COL24A1: variants seen among roughly 807,000 people sequenced by gnomAD.
COL24A1 encodes collagen type XXIV alpha 1 chain.
A neutral mutation model predicts 253.9 loss-of-function variants in COL24A1; 224 were observed. The ratio of observed to expected loss-of-function variants is 0.88; its 90% CI spans 0.79 to 0.99. The LOEUF (loss-of-function observed/expected upper bound fraction) is 0.99, where lower values mean the gene tolerates loss of function less well. Among genes scored for constraint, COL24A1 ranks in the 50% least tolerant of loss-of-function variants. The probability of loss-of-function intolerance (pLI) is 0.00; values close to 1 mark genes in which losing one functional copy is unlikely to be tolerated. For synonymous variants in COL24A1, 685 were observed against 673.7 expected (o/e 1.02, Z -0.26); for missense variants, 2,131 against 2,068.5 (o/e 1.03, Z -0.59).
At chr1:85,757,602 AG>A (rs1345589027) in intron 55 of COL24A1, among the ~76,000 whole-genome samples, 1 of 152,202 alleles carries the variant, frequency 6.6e-6, no homozygotes, top group African/African-American at 2.4e-5. Flanking sequence ...TAGAAAGAAA[AG>A]AAATTTCATA....
chr1:85,861,109 A>G (rs1409589636), intron 37 of COL24A1, among the ~76,000 whole-genome samples: 1 of 152,182 alleles, frequency 6.6e-6, no homozygotes, highest in Non-Finnish European at 1.5e-5. Context: ...CAGATTTTAT[A>G]TCTCATCAGC....
At chr1:85,829,419 A>C (rs1674871801) in intron 43 of COL24A1, among the ~76,000 whole-genome samples, 2 of 151,218 alleles carry the variant, frequency 1.3e-5, no homozygotes, top group Middle Eastern at 3.4e-3. Context: ...GCTCTTCTCG[A>C]GGAGTATCTT....
chr1:85,852,560 T>A (rs1677888777), intron 37 of COL24A1, among the ~76,000 whole-genome samples: 1 of 152,172 alleles, frequency 6.6e-6, no homozygotes, highest in South Asian at 2.1e-4. Flanking sequence ...TTCATTAATA[T>A]AGGAGAAGAT....
chr1:85,850,040 AG>A (rs1677585087), intron 37 of COL24A1, among the ~76,000 whole-genome samples: 1 of 152,188 alleles, frequency 6.6e-6, no homozygotes, highest in Admixed American at 6.5e-5. Flanking sequence ...AAATACAGAG[AG>A]AAAAAGGAGG....
At chr1:85,745,715 G>A (rs753190047) in intron 55 of COL24A1, among the ~76,000 whole-genome samples, 4 of 152,078 alleles carry the variant, frequency 2.6e-5, no homozygotes, top group Non-Finnish European at 4.4e-5. Flanking sequence ...AATCTCAAAC[G>A]TCTCCTAATT....
rs79091970 is a variant in COL24A1, at chr1:86,041,358, C to G, written c.1950+5467G>C. ...TTTCTAGGTGTTGTTGAAAGCAATT[C>G]CCATCTCCAATTTCATGTTTATTTT... On this transcript the variant is annotated intron_variant, in intron 12 of 59. Coordinates refer to ENST00000370571, the MANE Select transcript of COL24A1 (RefSeq NM_152890.7). Among the ~76,000 whole-genome samples, 375 of 152,204 alleles carry G rather than the reference C, an allele frequency of 2.5e-3. 10 individuals carry two copies. The East Asian group carries it at 0.046, about 19-fold the overall frequency.
intron 12 of COL24A1, among the ~76,000 whole-genome samples, chr1:86,038,873 A>G (rs12740502): frequency 0.23 from 35,160 of 152,044 alleles, 4,433 homozygotes; most frequent in Middle Eastern, 0.44. Context: ...TCAAGCCTTC[A>G]GATGACAGTA....
chr1:85,934,620 G>A (rs538702580), intron 24 of COL24A1, among the ~76,000 whole-genome samples: 35 of 152,128 alleles, frequency 2.3e-4, no homozygotes, highest in Non-Finnish European at 4.9e-4. Flanking sequence ...AGCCAAAAAT[G>A]CCAGAAGATG....
At position 86,125,756 on chromosome 1, in the gene COL24A1, C is replaced by T. The variant is rs374715008; in HGVS notation, c.580G>A (p.Val194Ile). The change falls in exon 3 of 60, where the codon GTT becomes ATT. Residue 194 changes from valine to isoleucine, a missense_variant. Transcript: ENST00000370571. ...ACACTATTAGAATCAAAGGTCTGAACTTCTGGAATAGTCTCTGTGCTAAAA... is the reference window on the plus strand; with the variant it reads ...ACACTATTAGAATCAAAGGTCTGAATTTCTGGAATAGTCTCTGTGCTAAAA... ...KYFSTETIPE[V>I]QTFDSNSVFT... The T allele has an allele frequency of 3.1e-6, 5 of 1,611,806 alleles. No homozygotes were observed. The highest frequency in any genetic ancestry group is 3.4e-6 in the Non-Finnish European group (4 of 1,179,180).
intron 13 of COL24A1, 52 bp from the exon 14 acceptor site, chr1:86,031,974 A>T: frequency 1.4e-6 from 2 of 1,427,362 alleles, no homozygotes; most frequent in Non-Finnish European, 1.9e-6. Context: ...CCAACTACTA[A>T]GGGTATTTCT....
intron 11 of COL24A1, among the ~76,000 whole-genome samples, chr1:86,048,212 T>C (rs1222175204): frequency 6.6e-6 from 1 of 152,216 alleles, no homozygotes; most frequent in Non-Finnish European, 1.5e-5. Context: ...ATGTTTCATA[T>C]GTGTACATAT....
chr1:86,137,282 A>G (rs1650396693), intron 2 of COL24A1, among the ~76,000 whole-genome samples: 3 of 152,162 alleles, frequency 2.0e-5, no homozygotes, highest in Admixed American at 2.0e-4. Flanking sequence ...GGTGCTTTAC[A>G]TTTTTAAAAA....
intron 19 of COL24A1, among the ~76,000 whole-genome samples, chr1:86,007,930 A>G (rs921713318): frequency 3.3e-5 from 5 of 152,226 alleles, no homozygotes; most frequent in African/African-American, 1.2e-4. Context: ...TACAACTTCA[A>G]GAGTGAACAC....
chr1:86,103,869 A>T (rs1207879763), intron 5 of COL24A1, among the ~76,000 whole-genome samples: 1 of 151,926 alleles, frequency 6.6e-6, no homozygotes, highest in African/African-American at 2.4e-5. Context: ...CTTGGGGATG[A>T]TCTTCTTGGG....
At position 86,132,204 on chromosome 1, in the gene COL24A1, A is replaced by G. The variant is rs145230807; in HGVS notation, c.122-5990T>C. Among the ~76,000 whole-genome samples the G allele has an allele frequency of 5.2e-3, 789 of 151,972 alleles. 14 individuals carry two copies. The East Asian group carries it at 0.065, about 12-fold the overall frequency. ...GCTCATATCCTTTGCCCACTTTTTGATGGGGTTGTTTGTTTTTTTCTTGTG... is the reference window on the plus strand; with the variant it reads ...GCTCATATCCTTTGCCCACTTTTTGGTGGGGTTGTTTGTTTTTTTCTTGTG... On this transcript the variant is annotated intron_variant, in intron 2 of 59. Coordinates refer to ENST00000370571, the MANE Select transcript of COL24A1 (RefSeq NM_152890.7).
At chr1:86,018,667 A>AATT (rs1277138567) in intron 18 of COL24A1, among the ~76,000 whole-genome samples, 1 of 152,190 alleles carries the variant, frequency 6.6e-6, no homozygotes, top group East Asian at 1.9e-4. Context: ...TAAAATTTTG[A>AATT]TTGCAAATTT....
chr1:85,837,871 C>A (rs1676189851), intron 43 of COL24A1, among the ~76,000 whole-genome samples: 1 of 152,054 alleles, frequency 6.6e-6, no homozygotes, highest in Non-Finnish European at 1.5e-5. Context: ...AGGAGACAAC[C>A]TCTAACTCTG....
At chr1:85,890,611 TAGG>T (rs142330842) in intron 31 of COL24A1, among the ~76,000 whole-genome samples, 106 of 152,250 alleles carry the variant, frequency 7.0e-4, no homozygotes, top group African/African-American at 2.1e-3. Context: ...TCTTGAGTTG[TAGG>T]AGTTCTTTAT....
At chr1:85,987,567 A>G in intron 20 of COL24A1, 34 bp downstream of exon 20, 1 of 1,575,538 alleles carries the variant, frequency 6.3e-7, no homozygotes, top group Non-Finnish European at 8.7e-7. Flanking sequence ...AGATAACCAT[A>G]ATTGTTTAGT....
Sources: gnomAD v4.1 joint callset for allele counts (sites outside exome capture counted in the v4.1 genomes callset) on GRCh38, gnomAD v4.1.1 for gene constraint, MANE v1.5 for transcripts, NCBI Gene and HGNC (gene_info 2026-07-23, HGNC 2026-07-21) for gene names.